Variants in MPPED2 observed in about 807,000 individuals in gnomAD.
MPPED2 encodes metallophosphoesterase domain containing 2.
Under a neutral mutation model 33.0 loss-of-function variants are expected in MPPED2, and 5 were observed. That is an observed-to-expected ratio of 0.15 (90% CI 0.08 to 0.32). The LOEUF (loss-of-function observed/expected upper bound fraction) is 0.32, where lower values mean the gene tolerates loss of function less well. MPPED2 is among the 10% of genes least tolerant of loss of function. The probability of loss-of-function intolerance (pLI) is 1.00; values close to 1 mark genes in which losing one functional copy is unlikely to be tolerated. For synonymous variants in MPPED2, 136 were observed against 141.9 expected, an observed-to-expected ratio of 0.96 and a Z score of 0.29; for missense variants, 275 against 372.1, an observed-to-expected ratio of 0.74 and a Z score of 2.15.
intron 3 of MPPED2, among the ~76,000 whole-genome samples, chr11:30,528,240 T>C (rs1264726320): frequency 6.6e-6 from 1 of 152,132 alleles, no homozygotes; most frequent in African/African-American, 2.4e-5. Context: ...AATTTTAATT[T>C]TTTTCTGTAT....
intron 2 of MPPED2, among the ~76,000 whole-genome samples, chr11:30,566,230 C>T (rs901737590): frequency 4.6e-5 from 7 of 152,084 alleles, no homozygotes; most frequent in Non-Finnish European, 7.4e-5. Context: ...TAATTGTTGA[C>T]TCCAAATATG....
chr11:30,414,052 G>A (rs10767842), intron 6 of MPPED2, among the ~76,000 whole-genome samples, 176 bp downstream of exon 6: 15,695 of 152,132 alleles, frequency 0.1, 822 homozygotes, highest in Middle Eastern at 0.17. Flanking sequence ...CAAGAGAGAA[G>A]GTCCATATAA....
downstream of MPPED2, among the ~76,000 whole-genome samples, chr11:30,408,650 C>G (rs1052928328): frequency 1.3e-5 from 2 of 152,148 alleles, no homozygotes; most frequent in African/African-American, 4.8e-5. Context: ...TTATCCAGTC[C>G]AGACAAAGAA....
At chr11:30,420,153 A>T (rs113329946) in intron 4 of MPPED2, among the ~76,000 whole-genome samples, 5 of 152,160 alleles carry the variant, frequency 3.3e-5, no homozygotes, top group African/African-American at 1.2e-4. Context: ...AAATAGTAAG[A>T]TTATCCTGGA....
intron 4 of MPPED2, among the ~76,000 whole-genome samples, chr11:30,488,310 T>C (rs1951829580): frequency 3.3e-5 from 5 of 152,358 alleles, no homozygotes; most frequent in Admixed American, 1.3e-4. Flanking sequence ...AAATTTATTA[T>C]TGTTGTTTGC....
downstream of MPPED2, among the ~76,000 whole-genome samples, chr11:30,406,524 AAG>A (rs1191877214): frequency 6.6e-6 from 1 of 152,186 alleles, no homozygotes; most frequent in East Asian, 1.9e-4. Flanking sequence ...AAAGCAAAGT[AAG>A]AGGAGGAAGG....
At chr11:30,413,440 G>C (rs1356331183) in intron 6 of MPPED2, among the ~76,000 whole-genome samples, 1 of 152,184 alleles carries the variant, frequency 6.6e-6, no homozygotes, top group Non-Finnish European at 1.5e-5. Flanking sequence ...CTTTGTGTCT[G>C]TCTCAAAGCC....
chr11:30,552,567 G>C (rs1293740153), intron 2 of MPPED2, among the ~76,000 whole-genome samples: 1 of 151,772 alleles, frequency 6.6e-6, no homozygotes, highest in Non-Finnish European at 1.5e-5. Context: ...TTATATTCTG[G>C]GTTCTCTTTC....
At chr11:30,556,935 T>C (rs1431719798) in intron 2 of MPPED2, among the ~76,000 whole-genome samples, 1 of 151,964 alleles carries the variant, frequency 6.6e-6, no homozygotes, top group East Asian at 1.9e-4. Context: ...AAAGCAGTGT[T>C]GAACCAAGTT....
chr11:30,542,279 A>G (rs1955163190), intron 2 of MPPED2, among the ~76,000 whole-genome samples: 1 of 152,106 alleles, frequency 6.6e-6, no homozygotes, highest in African/African-American at 2.4e-5. Flanking sequence ...GTCATCAGTC[A>G]GATATGATGG....
At chr11:30,566,720 G>A (rs1225494472) in intron 2 of MPPED2, among the ~76,000 whole-genome samples, 1 of 152,144 alleles carries the variant, frequency 6.6e-6, no homozygotes, top group Non-Finnish European at 1.5e-5. Flanking sequence ...TAGGTGTTGT[G>A]AATACAGACA....
chr11:30,385,986 C>T (rs1411913545), exon 7 of MPPED2: 1 of 152,064 alleles, frequency 6.6e-6, no homozygotes, highest in East Asian at 1.9e-4. Context: ...CTTTCTTTCT[C>T]AATAGAAGAT....
At chr11:30,580,608 G>T in intron 1 of MPPED2, 114 bp from the exon 2 acceptor site, 1 of 1,055,044 alleles carries the variant, frequency 9.5e-7, no homozygotes. Context: ...CTGAATATGT[G>T]TTGTTGGCTC....
At chr11:30,577,780 C>T (rs1035171964) in intron 2 of MPPED2, among the ~76,000 whole-genome samples, 3 of 152,186 alleles carry the variant, frequency 2.0e-5, no homozygotes, top group South Asian at 2.1e-4. Flanking sequence ...CCTGACAACA[C>T]GTACCATCAT....
At chr11:30,569,132 G>GCCATTAACA (rs934837538) in intron 2 of MPPED2, among the ~76,000 whole-genome samples, 5 of 152,120 alleles carry the variant, frequency 3.3e-5, no homozygotes, top group Non-Finnish European at 7.3e-5. Context: ...CGTGCCGACA[G>GCCATTAACA]CCATTAACAT....
chr11:30,524,529 A>C (rs746104858), intron 3 of MPPED2, among the ~76,000 whole-genome samples: 1 of 152,190 alleles, frequency 6.6e-6, no homozygotes, highest in Non-Finnish European at 1.5e-5. Flanking sequence ...AAATGGTGAT[A>C]ACAGCATCAA....
chr11:30,445,522 T>C (rs1194558924), intron 4 of MPPED2, among the ~76,000 whole-genome samples: 2 of 152,226 alleles, frequency 1.3e-5, no homozygotes, highest in African/African-American at 4.8e-5. Flanking sequence ...TGGCATTAAG[T>C]ATACTCACAT....
intron 1 of MPPED2, chr11:30,584,789 G>C (rs2134972160): frequency 6.6e-6 from 1 of 152,476 alleles, no homozygotes; most frequent in Middle Eastern, 3.4e-3. Context: ...TCCTTCCCTG[G>C]AACGGCGGAG....
intron 6 of MPPED2, among the ~76,000 whole-genome samples, chr11:30,394,939 C>A (rs914571485): frequency 2.0e-5 from 3 of 152,120 alleles, no homozygotes; most frequent in Non-Finnish European, 2.9e-5. Flanking sequence ...TGTTCAACAC[C>A]ATTTCTTTAA....
Sources: allele counts gnomAD v4.1 joint callset (sites outside exome capture counted in the v4.1 genomes callset), GRCh38; gene constraint gnomAD v4.1.1; transcripts MANE v1.5; gene names NCBI Gene and HGNC (gene_info 2026-07-23, HGNC 2026-07-21).